Variants in IFT74 observed in about 807,000 individuals in gnomAD.
IFT74 encodes intraflagellar transport 74.
A neutral mutation model predicts 96.7 loss-of-function variants in IFT74; 92 were observed. The observed-to-expected ratio is 0.95, with a 90% CI of 0.80 to 1.13. The LOEUF is 1.13. Ranked by LOEUF, IFT74 falls within the 50% of genes most tolerant of loss-of-function variation. The pLI, the probability that IFT74 is intolerant of heterozygous loss-of-function variation, is 0.00. For synonymous variants in IFT74, 223 were observed against 213.2 expected (o/e 1.05, Z -0.40); for missense variants, 811 against 698.2 (o/e 1.16, Z -1.82).
chr9:27,013,232 C>A (rs1356885979), intron 10 of IFT74, among the ~76,000 whole-genome samples: 1 of 152,146 alleles, frequency 6.6e-6, no homozygotes, highest in East Asian at 1.9e-4. Context: ...TTTTTTCACC[C>A]TAACATTGTA....
At chr9:26,992,267 T>C (rs1827920936) in intron 8 of IFT74, among the ~76,000 whole-genome samples, 1 of 152,234 alleles carries the variant, frequency 6.6e-6, no homozygotes, top group African/African-American at 2.4e-5. Context: ...TTTTTTTTAT[T>C]TAGGAAAATC....
At position 26,984,549 on chromosome 9, in the gene IFT74, A is replaced by T. The variant is rs759560487; in HGVS notation, c.455A>T (p.Asp152Val). The part of the protein sequence containing the change: ...EIKELQGQLA[D>V]YNMLVDKLNT... ...AAAGAGCTTCAAGGACAACTAGCAG[A>T]CTACAACATGGTATTTTATCTTTTC... The change falls in exon 6 of 20, where the codon GAC becomes GTC. Residue 152 changes from aspartate (D) to valine (V), a missense_variant. Physicochemically the swap from Asp to Val is radical, Grantham distance 152. Coordinates refer to ENST00000380062, the MANE Select transcript of IFT74 (RefSeq NM_025103.4). The T allele has an allele frequency of 6.2e-7, 1 of 1,609,952 alleles. No individual in the cohort carries two copies. Among genetic ancestry groups the T allele is most frequent in the Non-Finnish European group, 8.5e-7 (1 of 1,176,822 alleles).
rs201232216 is a variant in IFT74 at position 27,016,907 on chromosome 9, G to T, written c.790G>T (p.Glu264Ter). Residue 264 changes from glutamate to a stop codon, truncating the protein, a stop_gained and splice_region_variant, in exon 11 of 20, where the codon GAA becomes TAA. Coordinates refer to ENST00000380062, the MANE Select transcript of IFT74 (RefSeq NM_025103.4). LOFTEE classifies it high-confidence loss of function. ...QNMKKESLEA[E>*]IAHSQVKQEA... ...ACTTTCCCTTCTTATTTTCCTTTAG[G>T]AAATAGCTCACTCCCAGGTGAAACA... The T allele has an allele frequency of 1.9e-6, 3 of 1,589,216 alleles. No homozygotes were observed. The highest frequency in any genetic ancestry group is 8.5e-7 in the Non-Finnish European group (1 of 1,171,090).
chr9:26,957,092 A>G (rs1432877852), intron 1 of IFT74, among the ~76,000 whole-genome samples: 3 of 152,222 alleles, frequency 2.0e-5, no homozygotes, highest in Non-Finnish European at 2.9e-5. Flanking sequence ...TTGTATCGCT[A>G]ATCATTCTGG....
chr9:27,061,443 G>A (rs1820418066), intron 19 of IFT74, among the ~76,000 whole-genome samples: 1 of 151,942 alleles, frequency 6.6e-6, no homozygotes. Context: ...GATAAACATG[G>A]CAAGAATTTC....
chr9:27,037,860 A>C (rs1350413019), intron 13 of IFT74, among the ~76,000 whole-genome samples: 1 of 152,250 alleles, frequency 6.6e-6, no homozygotes, highest in Non-Finnish European at 1.5e-5. Flanking sequence ...GGAAGAGAAC[A>C]GGGTGCCATT....
intron 2 of IFT74, among the ~76,000 whole-genome samples, chr9:26,962,315 C>G (rs907406498): frequency 6.6e-6 from 1 of 152,122 alleles, no homozygotes; most frequent in Admixed American, 6.5e-5. Context: ...ATTTCATAAG[C>G]ATATTATTAA....
intron 9 of IFT74, 73 bp downstream of exon 9, chr9:27,009,231 G>A: frequency 2.2e-6 from 3 of 1,356,586 alleles, no homozygotes; most frequent in Non-Finnish European, 3.1e-6. Context: ...AATATCAGCA[G>A]CATCAGCATC....
intron 16 of IFT74, 76 bp from the exon 17 acceptor site, chr9:27,055,533 A>T: frequency 1.1e-6 from 1 of 930,966 alleles, no homozygotes; most frequent in Non-Finnish European, 1.6e-6. Flanking sequence ...CATGATTTTT[A>T]ATAGTTGCAT....
At chr9:26,983,198 T>C (rs558682182) in intron 4 of IFT74, among the ~76,000 whole-genome samples, 1 of 152,274 alleles carries the variant, frequency 6.6e-6, no homozygotes, top group African/African-American at 2.4e-5. Context: ...TTCTCAAAGC[T>C]AAGAGTAGTA....
chr9:26,967,305 A>T (rs1227716246), intron 2 of IFT74, among the ~76,000 whole-genome samples: 2 of 151,352 alleles, frequency 1.3e-5, no homozygotes, highest in African/African-American at 4.9e-5. Flanking sequence ...CATTGTAGAG[A>T]TCTTTCACTT....
intron 4 of IFT74, 168 bp from the exon 5 acceptor site, chr9:26,984,089 A>G: frequency 2.0e-6 from 1 of 511,832 alleles, no homozygotes; most frequent in East Asian, 4.5e-5. Flanking sequence ...CAGCCAGAAT[A>G]TACCTCATTC....
intron 18 of IFT74, among the ~76,000 whole-genome samples, chr9:27,057,732 C>G (rs188436267): frequency 1.3e-5 from 2 of 152,078 alleles, no homozygotes; most frequent in African/African-American, 2.4e-5. Flanking sequence ...GTGGCGGGTG[C>G]CTGTAGTCCC....
intron 10 of IFT74, among the ~76,000 whole-genome samples, chr9:27,012,736 A>G (rs1367499187): frequency 2.8e-5 from 1 of 35,226 alleles, no homozygotes; most frequent in Non-Finnish European, 4.6e-5. Flanking sequence ...TTTTTTTTTT[A>G]GACAGAGTAT....
intron 12 of IFT74, among the ~76,000 whole-genome samples, chr9:27,022,943 C>A (rs1390405426): frequency 6.6e-6 from 1 of 151,992 alleles, no homozygotes; most frequent in Non-Finnish European, 1.5e-5. Flanking sequence ...CGACCGAGTT[C>A]TTGATTTCTT....
chr9:26,979,986 A>G (rs983643169), intron 3 of IFT74, among the ~76,000 whole-genome samples: 1 of 152,014 alleles, frequency 6.6e-6, no homozygotes, highest in Non-Finnish European at 1.5e-5. Context: ...AAGTGCTGGG[A>G]TTACAGGTGT....
intron 1 of IFT74, among the ~76,000 whole-genome samples, chr9:26,950,175 G>A (rs1479690591): frequency 6.6e-6 from 1 of 152,080 alleles, no homozygotes; most frequent in Non-Finnish European, 1.5e-5. Flanking sequence ...AGCCGGGTGT[G>A]GTGGCACGCG....
At chr9:27,021,458 A>G (rs143691826) in intron 12 of IFT74, among the ~76,000 whole-genome samples, 1 of 152,206 alleles carries the variant, frequency 6.6e-6, no homozygotes, top group Admixed American at 6.5e-5. Context: ...AAGCAGTGTA[A>G]AAGTGTTCCC....
At chr9:26,991,120 C>T (rs553463525) in intron 8 of IFT74, among the ~76,000 whole-genome samples, 2 of 152,270 alleles carry the variant, frequency 1.3e-5, no homozygotes, top group African/African-American at 4.8e-5. Context: ...TCTCTTGTTA[C>T]CTCTGCATAA....
Sources: gnomAD v4.1 joint callset for allele counts (sites outside exome capture counted in the v4.1 genomes callset) on GRCh38, gnomAD v4.1.1 for gene constraint, MANE v1.5 for transcripts, NCBI Gene and HGNC (gene_info 2026-07-23, HGNC 2026-07-21) for gene names.